The following ALDH1L1 variants were observed in gnomAD, a reference collection of about 807,000 sequenced individuals.
ALDH1L1 encodes the protein aldehyde dehydrogenase 1 family member L1, also known as cytosolic 10-formyltetrahydrofolate dehydrogenase.
Under a neutral mutation model 101.1 loss-of-function variants are expected in ALDH1L1, and 68 were observed. The ratio of observed to expected loss-of-function variants is 0.67; its 90% CI spans 0.55 to 0.82. The LOEUF (loss-of-function observed/expected upper bound fraction) is 0.82. ALDH1L1 is among the 40% of genes least tolerant of loss of function. The pLI, the probability that ALDH1L1 is intolerant of heterozygous loss-of-function variation, is 0.00. For missense variants in ALDH1L1, 1,087 were observed against 1,172.7 expected, an observed-to-expected ratio of 0.93 and a Z score of 1.07; for synonymous variants, 486 against 470.8, an observed-to-expected ratio of 1.03 and a Z score of -0.42.
At chr3:126,114,528 T>TCCCTG in intron 18 of ALDH1L1, 29 bp downstream of exon 18, 1 of 1,478,724 alleles carries the variant, frequency 6.8e-7, no homozygotes, top group African/African-American at 1.4e-5. Context: ...CCGCTCACTG[T>TCCCTG]CCCTGCCCCC....
intron 9 of ALDH1L1, among the ~76,000 whole-genome samples, chr3:126,140,018 C>A (rs569883259): frequency 6.6e-6 from 1 of 152,142 alleles, no homozygotes; most frequent in East Asian, 1.9e-4. Flanking sequence ...CCAAAGTTCC[C>A]AAACATGAGG....
At chr3:126,139,079 G>A (rs1165896188) in intron 9 of ALDH1L1, among the ~76,000 whole-genome samples, 1 of 152,232 alleles carries the variant, frequency 6.6e-6, no homozygotes, top group Admixed American at 6.5e-5. Context: ...CTGAAGCCAG[G>A]GTGGGCAATA....
intron 6 of ALDH1L1, among the ~76,000 whole-genome samples, chr3:126,154,173 G>T (rs938059916): frequency 1.3e-5 from 2 of 152,170 alleles, no homozygotes; most frequent in Non-Finnish European, 2.9e-5. Flanking sequence ...TCAGCATCTG[G>T]CCTGCCCACG....
intron 19 of ALDH1L1, among the ~76,000 whole-genome samples, chr3:126,111,359 C>T (rs985457335): frequency 9.2e-5 from 14 of 152,284 alleles, no homozygotes; most frequent in African/African-American, 2.7e-4. Flanking sequence ...TCCCAGCACA[C>T]GCTGCAGAAT....
intron 1 of ALDH1L1, among the ~76,000 whole-genome samples, chr3:126,176,392 CG>C (rs2081364937): frequency 6.6e-6 from 1 of 152,056 alleles, no homozygotes; most frequent in Non-Finnish European, 1.5e-5. Context: ...TGAAGGAGAA[CG>C]AAGTTAGAGG....
At position 126,150,468 on chromosome 3, in the gene ALDH1L1, C is replaced by A. The variant is rs1215024451; in HGVS notation, c.922G>T (p.Gly308Trp). ...KMILASNFFK[G>W]AASSVLELTE... The stretch of plus-strand genomic sequence containing the variant: ...AGCTCAAGGACACTGCTGGCTGCCC[C>A]CTTAAAGAAGTTCGAGGCCAGGATC... The change falls in exon 8 of 23, where the codon GGG (glycine) becomes TGG (tryptophan). Residue 308 changes from glycine to tryptophan, a missense_variant. Coordinates refer to ENST00000393434, the MANE Select transcript of ALDH1L1 (RefSeq NM_012190.4). 1 of 1,551,634 alleles carries A rather than the reference C, an allele frequency of 6.4e-7. No homozygotes were observed. Among genetic ancestry groups the A allele is most frequent in the Non-Finnish European group, 8.7e-7 (1 of 1,146,966 alleles).
chr3:126,134,853 A>G (rs1048146348), intron 12 of ALDH1L1, among the ~76,000 whole-genome samples: 11 of 151,794 alleles, frequency 7.2e-5, no homozygotes, highest in African/African-American at 2.7e-4. Flanking sequence ...ATCTGGCCGC[A>G]CCCTCTCTTC....
chr3:126,125,980 G>A (rs2080174477), intron 14 of ALDH1L1, among the ~76,000 whole-genome samples: 1 of 152,178 alleles, frequency 6.6e-6, no homozygotes, highest in Admixed American at 6.5e-5. Context: ...TCTGATGGAA[G>A]CTGTGGAACT....
chr3:126,114,450 A>G (rs1413062060), intron 18 of ALDH1L1, 107 bp downstream of exon 18: 4 of 898,372 alleles, frequency 4.5e-6, no homozygotes, highest in Admixed American at 3.2e-5. Flanking sequence ...GGACTCCACC[A>G]GGGCTACACG....
At chr3:126,109,815 A>T in intron 20 of ALDH1L1, 129 bp downstream of exon 20, 1 of 1,339,524 alleles carries the variant, frequency 7.5e-7, no homozygotes, top group East Asian at 2.4e-5. Flanking sequence ...CAGGTCCCAG[A>T]TGGGGCTGCA....
intron 14 of ALDH1L1, 122 bp downstream of exon 14, chr3:126,130,097 GCACA>G: frequency 1.2e-6 from 1 of 830,038 alleles, no homozygotes; most frequent in Non-Finnish European, 1.7e-6. Context: ...TGCTCAAGAA[GCACA>G]TGGATGGCTG....
At chr3:126,142,907 C>T (rs139556468) in intron 9 of ALDH1L1, among the ~76,000 whole-genome samples, 1 of 152,192 alleles carries the variant, frequency 6.6e-6, no homozygotes, top group African/African-American at 2.4e-5. Flanking sequence ...ACATATAGGG[C>T]TGAACCTTAC....
At chr3:126,187,984 G>C (rs1318543947) in intron 1 of ALDH1L1, among the ~76,000 whole-genome samples, 2 of 152,190 alleles carry the variant, frequency 1.3e-5, no homozygotes, top group Non-Finnish European at 2.9e-5. Context: ...CTCAGAACCA[G>C]AACAGGTTCA....
chr3:126,188,041 A>G (rs1472011360), intron 1 of ALDH1L1, among the ~76,000 whole-genome samples: 1 of 152,222 alleles, frequency 6.6e-6, no homozygotes, highest in Non-Finnish European at 1.5e-5. Flanking sequence ...ATGGACAGAA[A>G]GTGGAAGTGA....
chr3:126,165,140 G>C (rs988228035), intron 1 of ALDH1L1, among the ~76,000 whole-genome samples: 4 of 151,986 alleles, frequency 2.6e-5, no homozygotes, highest in African/African-American at 9.7e-5. Context: ...AAGGGATGTT[G>C]GATTTTATCC....
At chr3:126,126,503 C>A (rs1156370087) in intron 14 of ALDH1L1, among the ~76,000 whole-genome samples, 9 of 152,174 alleles carry the variant, frequency 5.9e-5, no homozygotes, top group Admixed American at 4.6e-4. Context: ...AGCTGCTTAG[C>A]CAGACACAGG....
At chr3:126,149,706 G>A (rs145537518) in intron 8 of ALDH1L1, among the ~76,000 whole-genome samples, 52 of 152,220 alleles carry the variant, frequency 3.4e-4, no homozygotes, top group African/African-American at 1.2e-3. Context: ...ACCTGACTCT[G>A]CCCCTCACCC....
intron 1 of ALDH1L1, among the ~76,000 whole-genome samples, chr3:126,174,516 T>C (rs2081337918): frequency 6.6e-6 from 1 of 152,056 alleles, no homozygotes; most frequent in South Asian, 2.1e-4. Context: ...CCATAAAACA[T>C]ACAACAACAA....
chr3:126,166,175 C>T (rs1365979999), intron 1 of ALDH1L1, among the ~76,000 whole-genome samples: 1 of 152,174 alleles, frequency 6.6e-6, no homozygotes, highest in Non-Finnish European at 1.5e-5. Flanking sequence ...TCCACCGGTT[C>T]AAAAACTGCT....
Sources: allele counts gnomAD v4.1 joint callset (sites outside exome capture counted in the v4.1 genomes callset), GRCh38; gene constraint gnomAD v4.1.1; transcripts MANE v1.5; gene names NCBI Gene and HGNC (gene_info 2026-07-23, HGNC 2026-07-21).